Variants in DLX4 observed in about 807,000 individuals in gnomAD.
DLX4 encodes the protein distal-less homeobox 4.
A neutral mutation model predicts 17.1 loss-of-function variants in DLX4; 13 were observed. The ratio of observed to expected loss-of-function variants is 0.76; its 90% CI spans 0.49 to 1.21. The LOEUF (loss-of-function observed/expected upper bound fraction) is 1.21. DLX4 is among the 50% of genes most tolerant of loss of function. The pLI is 0.00. For missense variants in DLX4, 297 were observed against 301.4 expected (o/e 0.99, Z 0.11); for synonymous variants, 129 against 140.3 (o/e 0.92, Z 0.57).
chr17:49,970,752 C>A (rs931012661), intron 1 of DLX4, among the ~76,000 whole-genome samples: 1 of 152,228 alleles, frequency 6.6e-6, no homozygotes, highest in African/African-American at 2.4e-5. Context: ...CAAGGAGGCA[C>A]ACCCATTAGG....
chr17:49,973,399 T>G, intron 2 of DLX4, 130 bp downstream of exon 2: 1 of 1,355,524 alleles, frequency 7.4e-7, no homozygotes, highest in South Asian at 1.4e-5. Context: ...CCAGGGAATG[T>G]TCATAGCTGG....
chr17:49,968,712 G>C (rs1227635561), upstream of DLX4, among the ~76,000 whole-genome samples: 1 of 152,128 alleles, frequency 6.6e-6, no homozygotes, highest in Non-Finnish European at 1.5e-5. Context: ...CCCAGCCCCG[G>C]CGTCTATTTA....
chr17:49,969,320 CAGAG>C lies in DLX4; in HGVS notation c.-145_-142del, dbSNP rs916151243. ...CGCGCGTTCTCCGCTGAAAGAGGCT[CAGAG>C]AGACACTTTCTCCGGGATCTTAAGT... is the stretch of plus-strand genomic sequence containing the variant. On this transcript the variant is annotated 5_prime_UTR_variant, in exon 1 of 3. Coordinates refer to ENST00000240306, the MANE Select transcript of DLX4 (RefSeq NM_138281.3). The C allele has an allele frequency of 4.9e-5, 47 of 955,020 alleles. No individual in the cohort carries two copies. Among genetic ancestry groups the C allele is most frequent in the African/African-American group, 3.2e-4 (19 of 58,954 alleles). The allele number at this position is 955,020 out of a possible 1,614,324, so 59.2% of individuals were successfully genotyped here.
chr17:49,970,340 C>A (rs898435373), intron 1 of DLX4, among the ~76,000 whole-genome samples: 1 of 152,212 alleles, frequency 6.6e-6, no homozygotes, highest in Admixed American at 6.5e-5. Flanking sequence ...CTGGCAGAAT[C>A]TGGGAGTAGG....
At position 49,972,767 on chromosome 17, in the gene DLX4, C is replaced by T. The variant is rs934889043; in HGVS notation, c.284-306C>T. 4.7e-5 allele frequency: 65 copies of T among 1,389,000 alleles called. No homozygotes were observed. Among genetic ancestry groups the T allele is most frequent in the Non-Finnish European group, 4.4e-5 (47 of 1,077,936 alleles). The allele number at this position is 1,389,000 out of a possible 1,614,324, so 86.0% of individuals were successfully genotyped here. ...CCGTGGCTGAACTCCGACCTCCCAC[C>T]GCAGGCGCCGCGGTACCCTGGCTGT... is the stretch of plus-strand genomic sequence containing the variant. On this transcript the variant is annotated intron_variant, in intron 1 of 2. Transcript: ENST00000240306. This position sits in a 1 kb window ranked among gnomAD's most constrained non-coding sequence, Gnocchi z 5.4.
At chr17:49,970,713 C>T (rs1419267584) in intron 1 of DLX4, among the ~76,000 whole-genome samples, 5 of 152,222 alleles carry the variant, frequency 3.3e-5, no homozygotes, top group Non-Finnish European at 7.3e-5. Context: ...TCACCCCCTC[C>T]TCCTGCAATT....
chr17:49,969,553 G>T lies in DLX4; in HGVS notation c.85G>T (p.Ala29Ser), dbSNP rs148979255. 1.0e-3 allele frequency: 1,654 copies of T among 1,613,228 alleles called. 1 individual carries two copies. Among genetic ancestry groups the T allele is most frequent in the Non-Finnish European group, 1.3e-3 (1,504 of 1,179,936 alleles). ...CCTCGCCCCTGTCCCGTCGGTAGCG[G>T]CTGCCTACCCGCTTGGCTTGTCCCC... The part of the protein sequence containing the change: ...PDLAPVPSVA[A>S]AYPLGLSPTT... Residue 29 changes from alanine (A) to serine (S), a missense_variant, in exon 1 of 3, where the codon GCT becomes TCT. Coordinates refer to ENST00000240306, the MANE Select transcript of DLX4 (RefSeq NM_138281.3).
intron 1 of DLX4, among the ~76,000 whole-genome samples, chr17:49,971,243 C>A (rs535164315): frequency 6.6e-6 from 1 of 152,234 alleles, no homozygotes; most frequent in African/African-American, 2.4e-5. Context: ...GGACTTTCCC[C>A]CATCCAGCGA....
chr17:49,973,835 G>A lies in DLX4; in HGVS notation c.615G>A (p.Trp205Ter). 1 of 1,610,456 alleles carries A rather than the reference G, an allele frequency of 6.2e-7. No homozygotes were observed. Among genetic ancestry groups the A allele is most frequent in the Admixed American group, 1.7e-5 (1 of 59,608 alleles). ...GCTCCCCACCCCTCCCCTCCCTCTGGGATCTACCCAAGGCAGGGACCCTGC... is the reference window on the plus strand; with the variant it reads ...GCTCCCCACCCCTCCCCTCCCTCTGAGATCTACCCAAGGCAGGGACCCTGC... Reference protein sequence around the residue: ...SPCSPPLPSLWDLPKAGTLPT... With the variant: ...SPCSPPLPSL Residue 205 changes from tryptophan (W) to a stop codon, truncating the protein, a stop_gained, in exon 3 of 3, where the codon TGG (tryptophan) becomes TGA (stop). Transcript: ENST00000240306. LOFTEE classifies it high-confidence loss of function.
At chr17:49,969,941 TCTAGGTCTCCTTTCAAAACCGAC>T (rs1201970545) in intron 1 of DLX4, among the ~76,000 whole-genome samples, 190 bp downstream of exon 1, 1 of 151,656 alleles carries the variant, frequency 6.6e-6, no homozygotes, top group Non-Finnish European at 1.5e-5. Flanking sequence ...GGAGAGTTGA[TCTAGGTCTCCTTTCAAAACCGAC>T]CTGGTTTCGA....
At chr17:49,973,349 G>A (rs776823926) in intron 2 of DLX4, 80 bp downstream of exon 2, 1 of 1,544,226 alleles carries the variant, frequency 6.5e-7, no homozygotes, top group Admixed American at 1.9e-5. Context: ...AGCTGTGAAT[G>A]ACTGATGGAT....
In DLX4 at chr17:49,973,235, A is replaced by G; in HGVS notation, c.446A>G (p.Gln149Arg). The G allele has an allele frequency of 6.2e-7, 1 of 1,614,052 alleles. No individual in the cohort carries two copies. The highest frequency in any genetic ancestry group is 1.3e-5 in the African/African-American group (1 of 75,050). ...TQYLALPERA[Q>R]LAAQLGLTQT... ...TACCTGGCGCTGCCCGAGAGGGCCC[A>G]GCTGGCAGCGCAGCTCGGCCTCACC... is the stretch of plus-strand genomic sequence containing the variant. Residue 149 changes from glutamine (Q) to arginine (R), a missense_variant, in exon 2 of 3, where the codon CAG becomes CGG. Coordinates refer to ENST00000240306, the MANE Select transcript of DLX4 (RefSeq NM_138281.3).
rs1323293591 is a variant in DLX4, at chr17:49,973,854, A to T, written c.634A>T (p.Thr212Ser). 6.2e-7 allele frequency: 1 copy of T among 1,602,360 alleles called. No homozygotes were observed. The highest frequency in any genetic ancestry group is 8.5e-7 in the Non-Finnish European group (1 of 1,173,916). Residue 212 changes from threonine (T) to serine (S), a missense_variant, in exon 3 of 3, where the codon ACC (threonine) becomes TCC (serine). Thr to Ser is a moderately conservative substitution (Grantham distance 58). Transcript: ENST00000240306. ...CCTCTGGGATCTACCCAAGGCAGGG[A>T]CCCTGCCCACCAGTGGCTATGGCAA... ...PSLWDLPKAG[T>S]LPTSGYGNSF...
chr17:49,969,550 G>A lies in DLX4; in HGVS notation c.82G>A (p.Ala28Thr). ...AGACCTCGCCCCTGTCCCGTCGGTA[G>A]CGGCTGCCTACCCGCTTGGCTTGTC... is the stretch of plus-strand genomic sequence containing the variant. Reference protein sequence around the residue: ...FPDLAPVPSVAAAYPLGLSPT... With the variant: ...FPDLAPVPSVTAAYPLGLSPT... The change falls in exon 1 of 3, where the codon GCG becomes ACG. Residue 28 changes from alanine (A) to threonine (T), a missense_variant. By Grantham distance (58) the Ala-to-Thr change is moderately conservative. Transcript: ENST00000240306. 6.2e-7 allele frequency: 1 copy of A among 1,613,262 alleles called. No individual in the cohort carries two copies. The highest frequency in any genetic ancestry group is 8.5e-7 in the Non-Finnish European group (1 of 1,179,932).
rs755644161 is a variant in DLX4, at chr17:49,973,284, G to A, written c.480+15G>A. On this transcript the variant is annotated intron_variant, in intron 2 of 2. Transcript: ENST00000240306. ...CCCAGACCCAGGTGGGGCCAGTGTCGTCCTTCCCCATCTCTCACCTTCCCT... is the reference window on the plus strand; with the variant it reads ...CCCAGACCCAGGTGGGGCCAGTGTCATCCTTCCCCATCTCTCACCTTCCCT... 2 of 1,612,364 alleles carry A rather than the reference G, an allele frequency of 1.2e-6. No homozygotes were observed. The highest frequency in any genetic ancestry group is 1.7e-4 in the Middle Eastern group (1 of 6,056).
Position 49,972,862 on chromosome 17 carries a change from G to A in DLX4, c.284-211G>A, listed in dbSNP as rs764755642. On this transcript the variant is annotated intron_variant, in intron 1 of 2. Coordinates refer to ENST00000240306, the MANE Select transcript of DLX4 (RefSeq NM_138281.3). This position sits in a 1 kb window ranked among gnomAD's most constrained non-coding sequence, Gnocchi z 5.4. ...GGGAGCTCCCTGGGAGCAGAACTGCGTCTTGTATCACCTGGCGCGGTGAAC... is the reference window on the plus strand; with the variant it reads ...GGGAGCTCCCTGGGAGCAGAACTGCATCTTGTATCACCTGGCGCGGTGAAC... 65 of 1,443,390 alleles carry A rather than the reference G, an allele frequency of 4.5e-5. No homozygotes were observed. Among genetic ancestry groups the A allele is most frequent in the Non-Finnish European group, 5.7e-5 (62 of 1,095,626 alleles). 89.4% of individuals were successfully genotyped at this position (1,443,390 alleles called of 1,614,324 possible). A position where few individuals can be genotyped will look rare whatever the true frequency, so the allele number is the denominator to read the frequency against.
At chr17:49,969,925 G>A (rs897044772) in intron 1 of DLX4, among the ~76,000 whole-genome samples, 174 bp downstream of exon 1, 3 of 151,110 alleles carry the variant, frequency 2.0e-5, no homozygotes, top group African/African-American at 7.3e-5. Context: ...CGGGGGGAGG[G>A]GCGGGGGAGA....
chr17:49,972,723 C>G lies in DLX4; in HGVS notation c.284-350C>G. The G allele has an allele frequency of 7.3e-7, 1 of 1,371,516 alleles. No homozygotes were observed. Among genetic ancestry groups the G allele is most frequent in the African/African-American group, 1.5e-5 (1 of 68,188 alleles). The allele number at this position is 1,371,516 out of a possible 1,614,324, so 85.0% of individuals were successfully genotyped here. A position where few individuals can be genotyped will look rare whatever the true frequency, so the allele number is the denominator to read the frequency against. On this transcript the variant is annotated intron_variant, in intron 1 of 2. Coordinates refer to ENST00000240306, the MANE Select transcript of DLX4 (RefSeq NM_138281.3). This position sits in a 1 kb window ranked among gnomAD's most constrained non-coding sequence, Gnocchi z 5.4. ...ACCTAGCCTTTCTGCCCCGCCCTAC[C>G]CCAAGCTGGCGCCACCGCCCGTGGC... is the stretch of plus-strand genomic sequence containing the variant.
In DLX4 at chr17:49,969,365, T is replaced by TG. The variant is rs948390830; in HGVS notation, c.-98dup. The TG allele has an allele frequency of 5.5e-5, 73 of 1,322,128 alleles. No individual in the cohort carries two copies. Among genetic ancestry groups the TG allele is most frequent in the Non-Finnish European group, 6.4e-5 (63 of 987,244 alleles). The allele number at this position is 1,322,128 out of a possible 1,614,324, so 81.9% of individuals were successfully genotyped here. ...GATCTTAAGTGTGGGGGCTGCTGGC[T>TG]GGGGGGCCCGTCCGGCCCAACGCCG... On this transcript the variant is annotated 5_prime_UTR_variant, in exon 1 of 3. Coordinates refer to ENST00000240306, the MANE Select transcript of DLX4 (RefSeq NM_138281.3).
Sources: gnomAD v4.1 joint callset for allele counts (sites outside exome capture counted in the v4.1 genomes callset) on GRCh38, gnomAD v4.1.1 for gene constraint, Gnocchi (gnomAD v3.1) non-coding constraint, MANE v1.5 for transcripts, NCBI Gene and HGNC (gene_info 2026-07-23, HGNC 2026-07-21) for gene names.